KCNIP4: variants seen among roughly 807,000 people sequenced by gnomAD.
KCNIP4 encodes Kv channel-interacting protein 4.
In KCNIP4, 12 loss-of-function variants were observed where a neutral mutation model predicts 34.0. The observed-to-expected ratio is 0.35, with a 90% CI of 0.23 to 0.57. KCNIP4 has a LOEUF of 0.57. KCNIP4 is among the 20% of genes least tolerant of loss of function. The pLI is 0.83. For missense variants in KCNIP4, 238 were observed against 311.7 expected (o/e 0.76, Z 1.78); for synonymous variants, 124 against 102.2 (o/e 1.21, Z -1.29).
chr4:20,744,680 A>G (rs888667634), intron 5 of KCNIP4, among the ~76,000 whole-genome samples: 4 of 152,198 alleles, frequency 2.6e-5, no homozygotes, highest in Admixed American at 1.3e-4. Context: ...TGACGTGTTA[A>G]TGGGTGCAGC....
intron 1 of KCNIP4, among the ~76,000 whole-genome samples, chr4:21,569,983 C>G (rs935109236): frequency 6.6e-6 from 1 of 151,940 alleles, no homozygotes; most frequent in Non-Finnish European, 1.5e-5. Context: ...GTGGTACTCC[C>G]CCCACTCAGG....
At chr4:21,421,840 T>G (rs1348666435) in intron 1 of KCNIP4, among the ~76,000 whole-genome samples, 1 of 152,192 alleles carries the variant, frequency 6.6e-6, no homozygotes, top group Non-Finnish European at 1.5e-5. Flanking sequence ...TATACATATA[T>G]CAAAACATCA....
chr4:21,516,581 A>C (rs1265260529), intron 1 of KCNIP4, among the ~76,000 whole-genome samples: 1 of 152,190 alleles, frequency 6.6e-6, no homozygotes, highest in Non-Finnish European at 1.5e-5. Flanking sequence ...GGCTTGCATC[A>C]GTTTCTTCTC....
intron 1 of KCNIP4, among the ~76,000 whole-genome samples, chr4:21,229,823 C>T (rs1183393453): frequency 6.6e-6 from 1 of 152,134 alleles, no homozygotes; most frequent in Non-Finnish European, 1.5e-5. Flanking sequence ...GAGAGTCCCA[C>T]TCAGATTTCC....
intron 1 of KCNIP4, among the ~76,000 whole-genome samples, chr4:21,664,747 T>C (rs1204088017): frequency 6.6e-6 from 1 of 152,188 alleles, no homozygotes; most frequent in Non-Finnish European, 1.5e-5. Flanking sequence ...TTCCTTCATC[T>C]CACCATGCCA....
intron 1 of KCNIP4, among the ~76,000 whole-genome samples, chr4:21,809,594 C>T (rs941728187): frequency 6.6e-6 from 1 of 152,142 alleles, no homozygotes; most frequent in Non-Finnish European, 1.5e-5. Context: ...CAGGCTTCAT[C>T]ATGCATACCT....
chr4:21,663,016 G>A (rs1748563738), intron 1 of KCNIP4, among the ~76,000 whole-genome samples: 1 of 152,168 alleles, frequency 6.6e-6, no homozygotes, highest in South Asian at 2.1e-4. Context: ...CCTAGAAGAG[G>A]TTTCAATGCA....
In KCNIP4 at chr4:21,812,546, C is replaced by T. The variant is rs141223699; in HGVS notation, c.61+136025G>A. Among the ~76,000 whole-genome samples the T allele has an allele frequency of 8.4e-3, 1,284 of 152,236 alleles. 14 individuals are homozygous for T. The highest frequency in any genetic ancestry group is 0.028 in the South Asian group (135 of 4,824). The stretch of plus-strand genomic sequence containing the variant: ...TGGGCTAGTTATTAAATGTCAGCAT[C>T]CATAAGAGTTGTTTAGCTAAATATT... On this transcript the variant is annotated intron_variant, in intron 1 of 8. Transcript: ENST00000382152.
intron 1 of KCNIP4, among the ~76,000 whole-genome samples, chr4:21,496,618 T>C (rs1732871675): frequency 6.6e-6 from 1 of 152,168 alleles, no homozygotes; most frequent in Non-Finnish European, 1.5e-5. Flanking sequence ...TCCCATTGCC[T>C]ACCTACAGCA....
intron 1 of KCNIP4, chr4:21,303,693 C>CCGGA (rs1341504885): frequency 2.7e-6 from 2 of 751,932 alleles, no homozygotes; most frequent in African/African-American, 3.5e-5. Flanking sequence ...TCCTTCATGT[C>CCGGA]CATCCCAGAG....
At chr4:21,887,879 T>C (rs944339006) in intron 1 of KCNIP4, among the ~76,000 whole-genome samples, 2 of 152,184 alleles carry the variant, frequency 1.3e-5, no homozygotes, top group African/African-American at 4.8e-5. Context: ...GTCTTTGAAA[T>C]TACTTTTTGA....
At chr4:21,895,135 G>A (rs1027779159) in intron 1 of KCNIP4, among the ~76,000 whole-genome samples, 2 of 152,158 alleles carry the variant, frequency 1.3e-5, no homozygotes, top group Admixed American at 6.6e-5. Flanking sequence ...TGATATAGAT[G>A]TCTTGCTAAA....
At chr4:20,876,531 A>G (rs1384449197) in intron 2 of KCNIP4, among the ~76,000 whole-genome samples, 1 of 152,148 alleles carries the variant, frequency 6.6e-6, no homozygotes, top group Non-Finnish European at 1.5e-5. Context: ...TTCACGAGCC[A>G]GCTGTCAGCC....
At chr4:21,668,652 G>A (rs530012677) in intron 1 of KCNIP4, among the ~76,000 whole-genome samples, 1 of 152,152 alleles carries the variant, frequency 6.6e-6, no homozygotes, top group Admixed American at 6.5e-5. Context: ...ATTCTAACAT[G>A]TTAATGAGAG....
intron 1 of KCNIP4, among the ~76,000 whole-genome samples, chr4:21,625,480 G>C (rs554635958): frequency 1.3e-5 from 2 of 152,092 alleles, no homozygotes; most frequent in East Asian, 3.9e-4. Flanking sequence ...GTCCACATGG[G>C]GGACATCAGT....
At chr4:21,783,228 C>T (rs754729895) in intron 1 of KCNIP4, among the ~76,000 whole-genome samples, 12 of 152,088 alleles carry the variant, frequency 7.9e-5, no homozygotes, top group Non-Finnish European at 1.3e-4. Flanking sequence ...TAAGTGAAGG[C>T]TAAACAAGTT....
At chr4:21,020,634 T>C (rs1739950868) in intron 1 of KCNIP4, among the ~76,000 whole-genome samples, 1 of 152,144 alleles carries the variant, frequency 6.6e-6, no homozygotes, top group Admixed American at 6.6e-5. Context: ...TTAAAAACAA[T>C]TACTTCAGGA....
intron 2 of KCNIP4, among the ~76,000 whole-genome samples, chr4:20,881,064 T>C (rs1450294862): frequency 6.6e-6 from 1 of 152,220 alleles, no homozygotes; most frequent in Admixed American, 6.5e-5. Flanking sequence ...TTGTTTTGTT[T>C]TGGTTTGGTT....
chr4:21,068,652 C>A (rs1007779032), intron 1 of KCNIP4, among the ~76,000 whole-genome samples: 2 of 152,102 alleles, frequency 1.3e-5, no homozygotes, highest in Non-Finnish European at 2.9e-5. Flanking sequence ...GTTGATATCC[C>A]TCCTCTTCAA....
Sources: allele counts gnomAD v4.1 joint callset (sites outside exome capture counted in the v4.1 genomes callset), GRCh38; gene constraint gnomAD v4.1.1; transcripts MANE v1.5; gene names NCBI Gene and HGNC (gene_info 2026-07-23, HGNC 2026-07-21).